Variants in COL5A1 observed in about 807,000 individuals in gnomAD.
The protein encoded by COL5A1 is collagen alpha-1(V) chain.
Under a neutral mutation model 263.7 loss-of-function variants are expected in COL5A1, and 16 were observed. That is an observed-to-expected ratio of 0.06 (90% CI 0.04 to 0.09). The LOEUF (loss-of-function observed/expected upper bound fraction) is 0.09. Among genes scored for constraint, COL5A1 ranks in the 10% least tolerant of loss-of-function variants. The pLI, the probability that COL5A1 is intolerant of heterozygous loss-of-function variation, is 1.00. For synonymous variants in COL5A1, 1,012 were observed against 1,004.5 expected (o/e 1.01, Z -0.14); for missense variants, 2,036 against 2,540.5 (o/e 0.80, Z 4.27).
rs1338230359 is a variant in COL5A1 at position 134,743,000 on chromosome 9, G to C, written c.1494+4192G>C. 1.3e-5 allele frequency among the ~76,000 whole-genome samples: 2 copies of C among 152,212 alleles called. No homozygotes were observed. The highest frequency in any genetic ancestry group is 4.8e-5 in the African/African-American group (2 of 41,460). ...CTAGCCTCGATAGAAACACCCGGAA[G>C]GCAGGCGCCACCTCTGTGCTGCTTG... On this transcript the variant is annotated intron_variant, in intron 11 of 65. Coordinates refer to ENST00000371817, the MANE Select transcript of COL5A1 (RefSeq NM_000093.5). The surrounding 1 kb of genome is among the most constrained non-coding windows in gnomAD (Gnocchi z 4.6).
intron 44 of COL5A1, 29 bp from the exon 45 acceptor site, chr9:134,811,310 T>C: frequency 6.2e-7 from 1 of 1,611,356 alleles, no homozygotes; most frequent in Non-Finnish European, 8.5e-7. Context: ...TCCAAGAAGC[T>C]ACCTATGTCT....
rs772197094 is a variant in COL5A1 at position 134,730,289 on chromosome 9, G to C, written c.978G>C (p.Gly326=). The change falls in exon 7 of 66, where the codon GGG becomes GGC. Residue 326 remains glycine, a synonymous_variant. Transcript: ENST00000371817. ...EAAPMPETSE[G]AGKEEDVGIG... The stretch of plus-strand genomic sequence containing the variant: ...CTCCCATGCCTGAAACCAGTGAAGG[G>C]GCTGGGAAGGAAGAGGACGTCGGCA... The C allele has an allele frequency of 6.2e-7, 1 of 1,614,100 alleles. No individual in the cohort carries two copies. The highest frequency in any genetic ancestry group is 8.5e-7 in the Non-Finnish European group (1 of 1,180,050).
intron 63 of COL5A1, among the ~76,000 whole-genome samples, chr9:134,827,230 C>T (rs756834302): frequency 3.3e-5 from 5 of 152,170 alleles, no homozygotes; most frequent in African/African-American, 4.8e-5. Context: ...CCCCAGGGAC[C>T]GCCATCCCCT....
intron 65 of COL5A1, among the ~76,000 whole-genome samples, chr9:134,839,532 G>A (rs1019213706): frequency 6.6e-6 from 1 of 152,202 alleles, no homozygotes; most frequent in African/African-American, 2.4e-5. Flanking sequence ...TCCCAGGGGT[G>A]GATGAGAAAG....
At chr9:134,773,849 C>G (rs11103522) in intron 26 of COL5A1, among the ~76,000 whole-genome samples, 10,565 of 152,258 alleles carry the variant, frequency 0.069, 590 homozygotes, top group East Asian at 0.24. Context: ...TGCCCCGTTC[C>G]CTCTCTTGAA....
At position 134,818,835 on chromosome 9, in the gene COL5A1, C is replaced by T. The variant is rs1838875562; in HGVS notation, c.4339-13C>T. ...GGGACCAGCAACTCATGCAGAGCGT[C>T]TCTGTGTTTCAGGGAGAACAAGGTC... On this transcript the variant is annotated splice_polypyrimidine_tract_variant and intron_variant, in intron 55 of 65. Coordinates refer to ENST00000371817, the MANE Select transcript of COL5A1 (RefSeq NM_000093.5). The surrounding 1 kb of genome is among the most constrained non-coding windows in gnomAD (Gnocchi z 6.0). 6.2e-7 allele frequency: 1 copy of T among 1,613,248 alleles called. No homozygotes were observed. Among genetic ancestry groups the T allele is most frequent in the African/African-American group, 1.3e-5 (1 of 75,036 alleles).
intron 36 of COL5A1, among the ~76,000 whole-genome samples, chr9:134,797,555 T>A (rs1429644659): frequency 3.3e-5 from 5 of 152,240 alleles, no homozygotes; most frequent in Admixed American, 3.3e-4. Context: ...CGATCTCGGC[T>A]CACTGCAAAC....
chr9:134,805,344 G>A, intron 41 of COL5A1, 130 bp downstream of exon 41: 4 of 1,103,416 alleles, frequency 3.6e-6, no homozygotes, highest in East Asian at 2.4e-5. Flanking sequence ...TGTGGAGGGG[G>A]GAAAATGGCC....
intron 44 of COL5A1, 66 bp downstream of exon 44, chr9:134,810,374 G>T (rs764854540): frequency 6.7e-7 from 1 of 1,484,218 alleles, no homozygotes; most frequent in East Asian, 2.3e-5. Flanking sequence ...CAGGCTGTAG[G>T]CCGTGTGCCA....
At chr9:134,669,585 C>T (rs1163544501) in intron 1 of COL5A1, among the ~76,000 whole-genome samples, 3 of 152,080 alleles carry the variant, frequency 2.0e-5, no homozygotes, top group Non-Finnish European at 2.9e-5. Context: ...CCAGATACAA[C>T]TAGATTCTCA....
chr9:134,687,670 G>A (rs1020793202), intron 1 of COL5A1, among the ~76,000 whole-genome samples: 2 of 152,192 alleles, frequency 1.3e-5, no homozygotes, highest in African/African-American at 2.4e-5. Context: ...AGTAGGCACC[G>A]GGCTGGGTGT....
At chr9:134,646,465 A>G (rs1831478378) in intron 1 of COL5A1, among the ~76,000 whole-genome samples, 1 of 152,116 alleles carries the variant, frequency 6.6e-6, no homozygotes, top group South Asian at 2.1e-4. Context: ...TCCTTCTGAC[A>G]GGACATTCCA....
intron 11 of COL5A1, among the ~76,000 whole-genome samples, chr9:134,739,492 C>A (rs1330716032): frequency 6.6e-6 from 1 of 152,218 alleles, no homozygotes; most frequent in African/African-American, 2.4e-5. Context: ...GTGTTCACGC[C>A]AGGGCCCTGC....
chr9:134,654,158 G>A (rs1320111599), intron 1 of COL5A1, among the ~76,000 whole-genome samples: 66 of 138,070 alleles, frequency 4.8e-4, no homozygotes, highest in Non-Finnish European at 8.1e-4. Flanking sequence ...CTGGGGGTAT[G>A]TAGGGCTGGA....
At chr9:134,679,979 G>A (rs893437257) in intron 1 of COL5A1, among the ~76,000 whole-genome samples, 7 of 152,052 alleles carry the variant, frequency 4.6e-5, no homozygotes, top group African/African-American at 7.2e-5. Flanking sequence ...GGGTGGTGCC[G>A]GGTCAGGTGG....
chr9:134,784,989 G>A lies in COL5A1; in HGVS notation c.2485G>A (p.Gly829Arg). ...TCACCTCCTCTTTTCTGGCTTGCAG[G>A]GGGAGATCGGCCCACCCGGTCCCAG... The part of the protein sequence containing the change: ...KGDMGIKGDR[G>R]EIGPPGPRGE... Residue 829 changes from glycine to arginine, a missense_variant and splice_region_variant, in exon 30 of 66, where the codon GGG becomes AGG. This residue lies in a region of COL5A1 where 1,078 missense variants were observed against 1,521.4 expected (regional missense o/e 0.71). Transcript: ENST00000371817. 1 of 1,612,860 alleles carries A rather than the reference G, an allele frequency of 6.2e-7. No individual in the cohort carries two copies. The highest frequency in any genetic ancestry group is 8.5e-7 in the Non-Finnish European group (1 of 1,179,636).
intron 8 of COL5A1, 41 bp downstream of exon 8, chr9:134,731,704 G>A: frequency 1.3e-6 from 2 of 1,582,140 alleles, no homozygotes; most frequent in Non-Finnish European, 1.7e-6. Context: ...GGGTTGGGGG[G>A]CTGGTGGGGC....
intron 9 of COL5A1, among the ~76,000 whole-genome samples, chr9:134,738,096 C>T (rs1436629217): frequency 1.3e-5 from 2 of 152,190 alleles, no homozygotes; most frequent in Non-Finnish European, 2.9e-5. Context: ...CTGGCATCCA[C>T]CTCCTCCCTC....
chr9:134,784,956 T>TGGGCAG, intron 29 of COL5A1, 33 bp from the exon 30 acceptor site: 1 of 1,510,288 alleles, frequency 6.6e-7, no homozygotes, highest in Non-Finnish European at 9.2e-7. Flanking sequence ...GTGCGGGGGG[T>TGGGCAG]GGTCTTCTCA....
Sources: gnomAD v4.1 joint callset for allele counts (sites outside exome capture counted in the v4.1 genomes callset) on GRCh38, gnomAD v4.1.1 for gene constraint, gnomAD v4.1.1 regional missense constraint, Gnocchi (gnomAD v3.1) non-coding constraint, MANE v1.5 for transcripts, NCBI Gene and HGNC (gene_info 2026-07-23, HGNC 2026-07-21) for gene names.